Variants in MSI2 observed in about 807,000 individuals in gnomAD.
The protein encoded by MSI2 is RNA-binding protein Musashi homolog 2.
A neutral mutation model predicts 45.6 loss-of-function variants in MSI2; 17 were observed. The observed-to-expected ratio is 0.37, with a 90% confidence interval of 0.26 to 0.56. The LOEUF (loss-of-function observed/expected upper bound fraction) is 0.56. Ranked by LOEUF, MSI2 falls within the 20% of genes least tolerant of loss-of-function variation. The probability of loss-of-function intolerance (pLI) is 0.77; values close to 1 mark genes in which losing one functional copy is unlikely to be tolerated. For synonymous variants in MSI2, 156 were observed against 158.2 expected (o/e 0.99, Z 0.11); for missense variants, 293 against 444.2 (o/e 0.66, Z 3.06).
At chr17:57,486,000 A>G (rs1054168612) in intron 6 of MSI2, among the ~76,000 whole-genome samples, 6 of 152,222 alleles carry the variant, frequency 3.9e-5, no homozygotes, top group African/African-American at 7.2e-5. Context: ...CCGTTAGGGT[A>G]CTGCAGGGAG....
At chr17:57,669,866 TC>T (rs1912655672) in intron 11 of MSI2, among the ~76,000 whole-genome samples, 1 of 152,132 alleles carries the variant, frequency 6.6e-6, no homozygotes, top group Non-Finnish European at 1.5e-5. Context: ...AGAGTCTCTC[TC>T]CCGGAAATGT....
intron 5 of MSI2, among the ~76,000 whole-genome samples, chr17:57,308,813 T>A (rs1912133084): frequency 6.6e-6 from 1 of 152,132 alleles, no homozygotes; most frequent in Non-Finnish European, 1.5e-5. Flanking sequence ...ACGTTGTCCT[T>A]GAGGAGGAGC....
At chr17:57,675,214 C>T (rs1321790565) in intron 12 of MSI2, 88 bp downstream of exon 12, 19 of 1,344,780 alleles carry the variant, frequency 1.4e-5, no homozygotes, top group African/African-American at 8.7e-5. Flanking sequence ...AGCCCAACAT[C>T]GGGGGCAGAG....
At chr17:57,672,022 G>A (rs62060660) in intron 11 of MSI2, among the ~76,000 whole-genome samples, 15,462 of 152,274 alleles carry the variant, frequency 0.1, 1,086 homozygotes, top group Middle Eastern at 0.17. Flanking sequence ...CTGCCCAGAA[G>A]CCTAGCTAGA....
intron 9 of MSI2, among the ~76,000 whole-genome samples, chr17:57,619,812 C>T (rs1445786025): frequency 1.3e-5 from 2 of 152,202 alleles, no homozygotes; most frequent in African/African-American, 4.8e-5. Context: ...CTCATCTGCC[C>T]AGCTCTTCCC....
Position 57,336,028 on chromosome 17 carries a change from A to C in MSI2, c.313-65351A>C, listed in dbSNP as rs139802738. 5.1e-3 allele frequency among the ~76,000 whole-genome samples: 773 copies of C among 152,306 alleles called. 2 individuals carry two copies. Among genetic ancestry groups the C allele is most frequent in the African/African-American group, 0.017 (688 of 41,556 alleles). On this transcript the variant is annotated intron_variant, in intron 5 of 13. Coordinates refer to ENST00000284073, the MANE Select transcript of MSI2 (RefSeq NM_138962.4). Reference sequence around the variant, plus strand: ...AGAGAGGACTTCAGAGCAGAGTTTGACAAGAGAGGACTTCTGTGTAGGAGG... The same window carrying C: ...AGAGAGGACTTCAGAGCAGAGTTTGCCAAGAGAGGACTTCTGTGTAGGAGG...
Position 57,332,469 on chromosome 17 carries a change from C to T in MSI2, c.313-68910C>T, listed in dbSNP as rs114598070. Among the ~76,000 whole-genome samples the T allele has an allele frequency of 3.3e-3, 504 of 152,238 alleles. 1 individual carries two copies. Among genetic ancestry groups the T allele is most frequent in the African/African-American group, 0.011 (475 of 41,528 alleles). On this transcript the variant is annotated intron_variant, in intron 5 of 13. Coordinates refer to ENST00000284073, the MANE Select transcript of MSI2 (RefSeq NM_138962.4). Reference sequence around the variant, plus strand: ...AGTGTGAGAGTCACAATCTGTTGGTCCAGTTATTATTGTATTTATAATACA... The same window carrying T: ...AGTGTGAGAGTCACAATCTGTTGGTTCAGTTATTATTGTATTTATAATACA...
intron 11 of MSI2, among the ~76,000 whole-genome samples, chr17:57,657,728 G>A (rs55919030): frequency 0.016 from 2,363 of 152,208 alleles, 62 homozygotes; most frequent in African/African-American, 0.053. Context: ...ATATGTTAGG[G>A]GCTGGGGGAC....
intron 6 of MSI2, among the ~76,000 whole-genome samples, chr17:57,439,157 G>A (rs921707978): frequency 3.1e-4 from 47 of 152,258 alleles, no homozygotes; most frequent in Middle Eastern, 6.8e-3. Context: ...TCTGTTTCCC[G>A]AGGCATGATT....
intron 9 of MSI2, among the ~76,000 whole-genome samples, chr17:57,624,610 C>T (rs1908624765): frequency 6.6e-6 from 1 of 152,140 alleles, no homozygotes; most frequent in African/African-American, 2.4e-5. Context: ...CTCGCTTGGG[C>T]AGGCTTCTGT....
At chr17:57,557,755 C>T (rs2087471782) in intron 7 of MSI2, among the ~76,000 whole-genome samples, 2 of 152,248 alleles carry the variant, frequency 1.3e-5, no homozygotes, top group East Asian at 3.9e-4. Context: ...GTGCACAGTC[C>T]CTAATTTCTG....
chr17:57,404,686 A>G (rs1004174976), intron 6 of MSI2, among the ~76,000 whole-genome samples: 6 of 151,840 alleles, frequency 4.0e-5, no homozygotes, highest in South Asian at 2.1e-4. Context: ...AGCTTCTCCA[A>G]CTGTTTATTT....
chr17:57,444,243 A>G (rs568193316), intron 6 of MSI2, among the ~76,000 whole-genome samples: 1 of 152,306 alleles, frequency 6.6e-6, no homozygotes, highest in East Asian at 1.9e-4. Flanking sequence ...GTGCACCGTC[A>G]GCAGCCTTAG....
chr17:57,647,720 C>T (rs1910789936), intron 10 of MSI2, among the ~76,000 whole-genome samples: 1 of 151,758 alleles, frequency 6.6e-6, no homozygotes, highest in East Asian at 2.0e-4. Context: ...TCTTGGCTCA[C>T]TGCAACCTCT....
At chr17:57,305,395 G>T (rs757674470) in intron 5 of MSI2, among the ~76,000 whole-genome samples, 13 of 152,142 alleles carry the variant, frequency 8.5e-5, no homozygotes, top group Non-Finnish European at 1.8e-4. Flanking sequence ...CACTCACCCG[G>T]AGCCAGTTGT....
At chr17:57,285,836 C>G in intron 5 of MSI2, 1 of 1,449,778 alleles carries the variant, frequency 6.9e-7, no homozygotes, top group Non-Finnish European at 9.0e-7. Context: ...AAGCCTCCTA[C>G]CACTCACTTT....
intron 7 of MSI2, among the ~76,000 whole-genome samples, chr17:57,543,242 C>T (rs1182585382): frequency 6.6e-6 from 1 of 152,160 alleles, no homozygotes; most frequent in Non-Finnish European, 1.5e-5. Flanking sequence ...AAGAACCCAG[C>T]AAACTAATGA....
intron 6 of MSI2, among the ~76,000 whole-genome samples, chr17:57,418,685 T>A (rs2084340689): frequency 2.0e-5 from 3 of 152,214 alleles, no homozygotes; most frequent in Admixed American, 2.0e-4. Context: ...TCTGGCCACA[T>A]TCCTGAAAGT....
intron 8 of MSI2, among the ~76,000 whole-genome samples, chr17:57,604,921 C>G (rs148099663): frequency 1.1e-3 from 165 of 148,056 alleles, no homozygotes; most frequent in African/African-American, 4.0e-3. Context: ...GAAGACAACT[C>G]AGTCGGGAAC....
Sources: gnomAD v4.1 joint callset for allele counts (sites outside exome capture counted in the v4.1 genomes callset) on GRCh38, gnomAD v4.1.1 for gene constraint, MANE v1.5 for transcripts, NCBI Gene and HGNC (gene_info 2026-07-23, HGNC 2026-07-21) for gene names.